TBC1D22A: variants seen among roughly 807,000 people sequenced by gnomAD.
The protein encoded by TBC1D22A is putative GTPase activator.
TBC1D22A carries 38 observed loss-of-function variants against 60.2 expected under a neutral mutation model. That is an observed-to-expected ratio of 0.63 (90% confidence interval 0.49 to 0.83). The LOEUF (loss-of-function observed/expected upper bound fraction) is 0.83. Ranked by LOEUF, TBC1D22A falls within the 40% of genes least tolerant of loss-of-function variation. The pLI is 0.00. For missense variants in TBC1D22A, 628 were observed against 701.0 expected, an observed-to-expected ratio of 0.90 and a Z score of 1.18; for synonymous variants, 302 against 281.7, an observed-to-expected ratio of 1.07 and a Z score of -0.72.
chr22:47,159,802 A>G (rs949863930), intron 12 of TBC1D22A, among the ~76,000 whole-genome samples: 3 of 151,418 alleles, frequency 2.0e-5, no homozygotes, highest in Non-Finnish European at 4.4e-5. Context: ...CATGCACCAC[A>G]TACACCCACA....
intron 6 of TBC1D22A, among the ~76,000 whole-genome samples, chr22:46,894,470 T>G (rs2068565823): frequency 6.6e-6 from 1 of 152,184 alleles, no homozygotes; most frequent in African/African-American, 2.4e-5. Flanking sequence ...AAAATCGATG[T>G]TTACTAATTG....
intron 8 of TBC1D22A, among the ~76,000 whole-genome samples, chr22:46,971,034 G>A (rs917242377): frequency 2.0e-5 from 3 of 152,120 alleles, no homozygotes; most frequent in Non-Finnish European, 4.4e-5. Flanking sequence ...TCTCTGGCGG[G>A]GGATATTTAT....
rs539312504 is a variant in TBC1D22A, at chr22:46,805,785, G to GC, written c.637+8172dup. Among the ~76,000 whole-genome samples the GC allele has an allele frequency of 4.2e-3, 640 of 151,242 alleles. 4 individuals are homozygous for GC. Among genetic ancestry groups the GC allele is most frequent in the Non-Finnish European group, 7.2e-3 (487 of 67,766 alleles). On this transcript the variant is annotated intron_variant, in intron 4 of 12. Coordinates refer to ENST00000337137, the MANE Select transcript of TBC1D22A (RefSeq NM_014346.5). ...GAGATTGATGTGTGTGTCTCTCACC[G>GC]CCCCCCCACACCCCCCACCCGATTT...
At chr22:46,809,134 G>A (rs547722110) in intron 4 of TBC1D22A, among the ~76,000 whole-genome samples, 1 of 152,328 alleles carries the variant, frequency 6.6e-6, no homozygotes, top group East Asian at 1.9e-4. Flanking sequence ...CAGTTCCAGA[G>A]GCTGGAAGTC....
chr22:46,813,581 G>A (rs938362797), intron 4 of TBC1D22A, among the ~76,000 whole-genome samples: 2 of 152,222 alleles, frequency 1.3e-5, no homozygotes, highest in African/African-American at 4.8e-5. Context: ...GCGAGGCACA[G>A]GGGACCCAAA....
chr22:46,981,276 T>C (rs1163618703), intron 9 of TBC1D22A, among the ~76,000 whole-genome samples: 4 of 152,200 alleles, frequency 2.6e-5, no homozygotes, highest in African/African-American at 9.7e-5. Context: ...ATGCCTGACA[T>C]GGTCCTGAGT....
intron 11 of TBC1D22A, among the ~76,000 whole-genome samples, chr22:47,063,000 G>C (rs1273432652): frequency 1.3e-5 from 2 of 152,196 alleles, no homozygotes; most frequent in Non-Finnish European, 2.9e-5. Context: ...TGGAAACAGG[G>C]AGAAGGTGCC....
intron 5 of TBC1D22A, among the ~76,000 whole-genome samples, chr22:46,879,712 A>G (rs181752689): frequency 6.6e-6 from 1 of 152,314 alleles, no homozygotes; most frequent in African/African-American, 2.4e-5. Context: ...AATGTCCCCT[A>G]AGATAGGTTG....
At chr22:46,903,852 T>C (rs1602397613) in intron 7 of TBC1D22A, among the ~76,000 whole-genome samples, 1 of 151,970 alleles carries the variant, frequency 6.6e-6, no homozygotes, top group Non-Finnish European at 1.5e-5. Context: ...GACTGAGGGG[T>C]GGTAGGAACT....
intron 8 of TBC1D22A, among the ~76,000 whole-genome samples, chr22:46,943,520 G>T (rs565905419): frequency 6.6e-6 from 1 of 152,330 alleles, no homozygotes; most frequent in African/African-American, 2.4e-5. Context: ...CGGGGACTGT[G>T]CCTGGAAAGG....
intron 1 of TBC1D22A, chr22:46,763,426 T>C (rs2083178518): frequency 8.2e-6 from 1 of 121,650 alleles, no homozygotes; most frequent in African/African-American, 3.5e-5. Flanking sequence ...TTTTTTTTTT[T>C]TTCTTCGGCT....
chr22:47,041,039 C>T (rs554799463), intron 11 of TBC1D22A, among the ~76,000 whole-genome samples: 11 of 152,226 alleles, frequency 7.2e-5, no homozygotes, highest in African/African-American at 1.4e-4. Flanking sequence ...CGCTGGTAAA[C>T]GGGCGAACAT....
rs537854447 is a variant in TBC1D22A, at chr22:46,851,835, T to C, written c.638-26818T>C. Among the ~76,000 whole-genome samples the C allele has an allele frequency of 1.2e-3, 186 of 152,298 alleles. 2 individuals are homozygous for C. Among genetic ancestry groups the C allele is most frequent in the Non-Finnish European group, 1.8e-3 (124 of 68,020 alleles). On this transcript the variant is annotated intron_variant, in intron 4 of 12. Transcript: ENST00000337137. The stretch of plus-strand genomic sequence containing the variant: ...ATACAGTGGCAGTTGGGTTTTAGGC[T>C]CTTAACAGGGGTGTGCTCTTTCTGT...
chr22:46,789,877 G>T (rs997805694), intron 1 of TBC1D22A, among the ~76,000 whole-genome samples: 1 of 152,208 alleles, frequency 6.6e-6, no homozygotes, highest in Non-Finnish European at 1.5e-5. Context: ...CCTCTAGAAG[G>T]ATTGAACTAG....
At chr22:46,973,955 A>G (rs1245167855) in intron 8 of TBC1D22A, among the ~76,000 whole-genome samples, 1 of 152,242 alleles carries the variant, frequency 6.6e-6, no homozygotes, top group African/African-American at 2.4e-5. Flanking sequence ...AATCTTAGGA[A>G]AAAACTTTCA....
At chr22:47,088,790 C>T (rs1262649824) in intron 11 of TBC1D22A, among the ~76,000 whole-genome samples, 1 of 152,128 alleles carries the variant, frequency 6.6e-6, no homozygotes, top group Non-Finnish European at 1.5e-5. Flanking sequence ...CTGGACCTGC[C>T]GATCAATTGC....
chr22:47,133,085 T>C (rs1208000625), intron 12 of TBC1D22A, among the ~76,000 whole-genome samples: 1 of 152,258 alleles, frequency 6.6e-6, no homozygotes, highest in Non-Finnish European at 1.5e-5. Flanking sequence ...AGGCGACGCC[T>C]GTAAAATGTA....
intron 1 of TBC1D22A, among the ~76,000 whole-genome samples, chr22:46,775,248 G>A (rs1004605161): frequency 3.9e-5 from 6 of 152,222 alleles, no homozygotes; most frequent in East Asian, 3.9e-4. Context: ...TTGTTTTCAC[G>A]TGAATGTGTT....
At chr22:46,895,767 TG>T (rs1401690615) in intron 7 of TBC1D22A, among the ~76,000 whole-genome samples, 2 of 152,228 alleles carry the variant, frequency 1.3e-5, no homozygotes, top group Admixed American at 1.3e-4. Flanking sequence ...GTCTTCTTCC[TG>T]TTGGACATTT....
Sources: gnomAD v4.1 joint callset for allele counts (sites outside exome capture counted in the v4.1 genomes callset) on GRCh38, gnomAD v4.1.1 for gene constraint, MANE v1.5 for transcripts, NCBI Gene and HGNC (gene_info 2026-07-23, HGNC 2026-07-21) for gene names.